IQGAP2: variants seen among roughly 807,000 people sequenced by gnomAD.
IQGAP2 encodes the protein IQ motif containing GTPase activating protein 2, also known as ras GTPase-activating-like protein IQGAP2.
IQGAP2 carries 173 observed loss-of-function variants against 201.3 expected under a neutral mutation model. The ratio of observed to expected loss-of-function variants is 0.86; its 90% CI spans 0.76 to 0.98. IQGAP2 has a LOEUF of 0.98. Among genes scored for constraint, IQGAP2 ranks in the 50% least tolerant of loss-of-function variants. The probability of loss-of-function intolerance (pLI) is 0.00; values close to 1 mark genes in which losing one functional copy is unlikely to be tolerated. For missense variants in IQGAP2, 1,687 were observed against 1,864.8 expected, an observed-to-expected ratio of 0.90 and a Z score of 1.76; for synonymous variants, 675 against 673.9, an observed-to-expected ratio of 1.00 and a Z score of -0.03.
At chr5:76,410,071 G>T (rs762231561) in intron 1 of IQGAP2, among the ~76,000 whole-genome samples, 1 of 152,218 alleles carries the variant, frequency 6.6e-6, no homozygotes, top group Non-Finnish European at 1.5e-5. Context: ...GCAAAGTATC[G>T]TGATGAATGA....
intron 5 of IQGAP2, among the ~76,000 whole-genome samples, chr5:76,581,388 C>T (rs564066010): frequency 3.3e-5 from 5 of 152,216 alleles, no homozygotes; most frequent in Non-Finnish European, 5.9e-5. Context: ...AGGACAGGCT[C>T]TAATCCTAGG....
rs191306627 is a variant in IQGAP2, at chr5:76,441,924, G to A, written c.47-19646G>A. On this transcript the variant is annotated intron_variant, in intron 1 of 35. Transcript: ENST00000274364. Reference sequence around the variant, plus strand: ...AGGAAAATGGTACTCAGCTTTTCTCGTATTAATGCCTGGAAGCAGGAAGAG... The same window carrying A: ...AGGAAAATGGTACTCAGCTTTTCTCATATTAATGCCTGGAAGCAGGAAGAG... Among the ~76,000 whole-genome samples, 26 of 152,228 alleles carry A rather than the reference G, an allele frequency of 1.7e-4. 1 individual carries two copies. Among genetic ancestry groups the A allele is most frequent in the Admixed American group, 1.7e-3 (26 of 15,290 alleles).
chr5:76,485,365 T>A (rs1023026316), intron 2 of IQGAP2, among the ~76,000 whole-genome samples: 1 of 152,218 alleles, frequency 6.6e-6, no homozygotes, highest in African/African-American at 2.4e-5. Flanking sequence ...CTTCAAAATG[T>A]CTTTGCTTTA....
rs375604860 is a variant in IQGAP2 at position 76,568,232 on chromosome 5, T to C, written c.304-2348T>C. Among the ~76,000 whole-genome samples, 8 of 152,230 alleles carry C rather than the reference T, an allele frequency of 5.3e-5. No homozygotes were observed. In the East Asian group the frequency reaches 1.5e-3, roughly 29 times the overall value. ...GATTTGAAATCTGTCATTTCATTTG[T>C]TGCAGAAATATGACCAAGATAACCA... On this transcript the variant is annotated intron_variant, in intron 3 of 35. Coordinates refer to ENST00000274364, the MANE Select transcript of IQGAP2 (RefSeq NM_006633.5).
intron 26 of IQGAP2, 71 bp downstream of exon 26, chr5:76,674,107 T>G: frequency 1.2e-6 from 1 of 851,606 alleles, no homozygotes; most frequent in African/African-American, 1.7e-5. Flanking sequence ...ACATATAACT[T>G]TGTAAGATTA....
chr5:76,667,437 A>T (rs1230862224), intron 22 of IQGAP2, among the ~76,000 whole-genome samples: 1 of 152,230 alleles, frequency 6.6e-6, no homozygotes, highest in Non-Finnish European at 1.5e-5. Flanking sequence ...CAGAAAGAAG[A>T]TGAAGATTAG....
chr5:76,687,673 T>C (rs538872782), intron 30 of IQGAP2, among the ~76,000 whole-genome samples: 1 of 152,148 alleles, frequency 6.6e-6, no homozygotes, highest in African/African-American at 2.4e-5. Flanking sequence ...TAGATTCTCA[T>C]AGGAGTATGA....
chr5:76,447,209 T>C (rs970726850), intron 1 of IQGAP2, among the ~76,000 whole-genome samples: 6 of 152,212 alleles, frequency 3.9e-5, no homozygotes, highest in Non-Finnish European at 8.8e-5. Context: ...TAGGCCTAGC[T>C]GGGAAGGTGA....
chr5:76,450,285 C>A lies in IQGAP2; in HGVS notation c.47-11285C>A, dbSNP rs547290956. 3.8e-4 allele frequency among the ~76,000 whole-genome samples: 58 copies of A among 152,312 alleles called. 1 individual carries two copies. Among genetic ancestry groups the A allele is most frequent in the African/African-American group, 1.2e-3 (48 of 41,576 alleles). Reference sequence around the variant, plus strand: ...CACCCACTCTTGCCAACCCAACTCCCTTCCCACATCAGCCATTCCGTTTCC... The same window carrying A: ...CACCCACTCTTGCCAACCCAACTCCATTCCCACATCAGCCATTCCGTTTCC... On this transcript the variant is annotated intron_variant, in intron 1 of 35. Transcript: ENST00000274364.
At position 76,597,509 on chromosome 5, in the gene IQGAP2, G is replaced by A; in HGVS notation, c.978G>A (p.Leu326=). 1.2e-6 allele frequency: 2 copies of A among 1,613,862 alleles called. No homozygotes were observed. Among genetic ancestry groups the A allele is most frequent in the Non-Finnish European group, 8.5e-7 (1 of 1,179,930 alleles). The part of the protein sequence containing the change: ...EGDPENTLLA[L]KKPEAQLPAV... The stretch of plus-strand genomic sequence containing the variant: ...ACCCCGAGAATACGCTGCTTGCACT[G>A]AAGAAACCAGAGGCCCAGCTGCCTG... The change falls in exon 10 of 36, where the codon CTG becomes CTA. Residue 326 remains leucine (L), a synonymous_variant. Transcript: ENST00000274364.
At chr5:76,656,032 G>T (rs1174479914) in intron 20 of IQGAP2, among the ~76,000 whole-genome samples, 4 of 152,100 alleles carry the variant, frequency 2.6e-5, no homozygotes, top group Admixed American at 6.5e-5. Flanking sequence ...GAAGTATATG[G>T]CTCAAGAAAG....
intron 10 of IQGAP2, among the ~76,000 whole-genome samples, chr5:76,600,506 G>A (rs1370633930): frequency 6.6e-6 from 1 of 152,148 alleles, no homozygotes; most frequent in Non-Finnish European, 1.5e-5. Flanking sequence ...TATATGGCTG[G>A]ACTGAGCCTT....
At chr5:76,689,379 C>T (rs961746867) in intron 30 of IQGAP2, among the ~76,000 whole-genome samples, 5 of 151,902 alleles carry the variant, frequency 3.3e-5, no homozygotes, top group Non-Finnish European at 7.4e-5. Flanking sequence ...GTTTTCTCCT[C>T]CATAATATAG....
intron 2 of IQGAP2, among the ~76,000 whole-genome samples, chr5:76,530,277 C>T (rs999184589): frequency 2.0e-5 from 3 of 152,068 alleles, no homozygotes; most frequent in African/African-American, 7.2e-5. Flanking sequence ...ATCCTTGACC[C>T]ACAGGCTGTA....
At chr5:76,496,164 T>G (rs1296569009) in intron 2 of IQGAP2, among the ~76,000 whole-genome samples, 1 of 152,228 alleles carries the variant, frequency 6.6e-6, no homozygotes, top group Non-Finnish European at 1.5e-5. Flanking sequence ...TAATGATATA[T>G]TTGCTTTCTG....
At chr5:76,596,165 G>A (rs938599536) in intron 9 of IQGAP2, among the ~76,000 whole-genome samples, 8 of 152,198 alleles carry the variant, frequency 5.3e-5, no homozygotes, top group African/African-American at 1.7e-4. Context: ...AATGTATTTA[G>A]AGAAGATAAA....
intron 2 of IQGAP2, among the ~76,000 whole-genome samples, chr5:76,553,742 A>T (rs10041515): frequency 0.57 from 87,239 of 152,112 alleles, 26,429 homozygotes; most frequent in East Asian, 0.77. Flanking sequence ...CTAGCAACCC[A>T]TAAGATGCTC....
intron 5 of IQGAP2, among the ~76,000 whole-genome samples, chr5:76,586,364 G>T (rs1746247092): frequency 6.6e-6 from 1 of 151,216 alleles, no homozygotes; most frequent in African/African-American, 2.4e-5. Flanking sequence ...AAAAAAAAAT[G>T]TTCTTTGTCC....
intron 35 of IQGAP2, among the ~76,000 whole-genome samples, chr5:76,706,556 C>T (rs1244289823): frequency 6.6e-6 from 1 of 152,060 alleles, no homozygotes; most frequent in Non-Finnish European, 1.5e-5. Flanking sequence ...CCATGTTGGC[C>T]AGGCTGGTCT....
Sources: allele counts gnomAD v4.1 joint callset (sites outside exome capture counted in the v4.1 genomes callset), GRCh38; gene constraint gnomAD v4.1.1; transcripts MANE v1.5; gene names NCBI Gene and HGNC (gene_info 2026-07-23, HGNC 2026-07-21).